Variants in ELAVL4 observed in about 807,000 individuals in gnomAD.
The protein encoded by ELAVL4 is ELAV like RNA binding protein 4.
ELAVL4 carries 1 observed loss-of-function variant against 35.6 expected under a neutral mutation model. The ratio of observed to expected loss-of-function variants is 0.03; its 90% CI spans 0.01 to 0.13. The LOEUF (loss-of-function observed/expected upper bound fraction) is 0.13, where lower values mean the gene tolerates loss of function less well. Among genes scored for constraint, ELAVL4 ranks in the 10% least tolerant of loss-of-function variants. The probability of loss-of-function intolerance (pLI) is 1.00; values close to 1 mark genes in which losing one functional copy is unlikely to be tolerated. For missense variants in ELAVL4, 267 were observed against 464.9 expected (o/e 0.57, Z 3.91); for synonymous variants, 156 against 171.0 (o/e 0.91, Z 0.69).
At chr1:50,076,849 CA>C (rs1305766688) in intron 1 of ELAVL4, among the ~76,000 whole-genome samples, 2 of 152,088 alleles carry the variant, frequency 1.3e-5, no homozygotes, top group Non-Finnish European at 2.9e-5. Context: ...AATTAAAGTA[CA>C]ATCAGCAGGA....
Position 50,163,877 on chromosome 1 carries a change from T to C in ELAVL4, c.251-13212T>C, listed in dbSNP as rs115155700. On this transcript the variant is annotated intron_variant, in intron 2 of 6. Coordinates refer to ENST00000371824, the MANE Select transcript of ELAVL4 (RefSeq NM_001144774.3). ...GCATGCTCTCTCAAAGTCTCAGGCA[T>C]ACTATGCTAATGTCAGGTATTTAGC... is the stretch of plus-strand genomic sequence containing the variant. Among the ~76,000 whole-genome samples the C allele has an allele frequency of 3.3e-3, 504 of 152,240 alleles. 2 individuals are homozygous for C. The highest frequency in any genetic ancestry group is 0.012 in the African/African-American group (487 of 41,546).
chr1:50,196,837 G>A (rs927170739), intron 5 of ELAVL4, among the ~76,000 whole-genome samples: 3 of 152,202 alleles, frequency 2.0e-5, no homozygotes, highest in African/African-American at 4.8e-5. Context: ...CCCAAGTAAG[G>A]TAGTGAATGT....
At chr1:50,101,048 G>T (rs1162396816), upstream of ELAVL4, among the ~76,000 whole-genome samples, 6 of 151,318 alleles carry the variant, frequency 4.0e-5, no homozygotes, top group African/African-American at 1.2e-4. Flanking sequence ...TTTTACAGAT[G>T]AGGAAATTGA....
At chr1:50,048,190 C>T in intron 1 of ELAVL4, 1 of 1,520,390 alleles carries the variant, frequency 6.6e-7, no homozygotes, top group Non-Finnish European at 8.8e-7. Flanking sequence ...CAGGTAGAAG[C>T]GCCTCGGCGC....
chr1:50,168,153 G>T (rs1405869306), intron 2 of ELAVL4, among the ~76,000 whole-genome samples: 1 of 152,078 alleles, frequency 6.6e-6, no homozygotes, highest in Admixed American at 6.6e-5. Flanking sequence ...CTTTAAACCA[G>T]GCCCTAGTTT....
At chr1:50,089,614 G>T (rs760681681) in intron 1 of ELAVL4, among the ~76,000 whole-genome samples, 3 of 152,096 alleles carry the variant, frequency 2.0e-5, no homozygotes, top group Non-Finnish European at 4.4e-5. Context: ...AATTAGCCAG[G>T]CATGGTGGCA....
intron 1 of ELAVL4, among the ~76,000 whole-genome samples, chr1:50,063,292 A>G (rs776513262): frequency 6.6e-6 from 1 of 152,108 alleles, no homozygotes; most frequent in Non-Finnish European, 1.5e-5. Context: ...TTTATTATTA[A>G]TGATATTTAT....
Position 50,091,255 on chromosome 1 carries a change from C to T in ELAVL4, c.18+43073C>T, listed in dbSNP as rs150489061. Among the ~76,000 whole-genome samples, 371 of 152,316 alleles carry T rather than the reference C, an allele frequency of 2.4e-3. 1 individual carries two copies. Among genetic ancestry groups the T allele is most frequent in the Non-Finnish European group, 3.0e-3 (204 of 68,028 alleles). On this transcript the variant is annotated intron_variant, in intron 1 of 6. Transcript: ENST00000448907. ...CACCTGGCTGCTCGCCACCTTCTGC[C>T]ATTGCAGATACGCTTACAGGAAACC...
intron 6 of ELAVL4, 123 bp downstream of exon 6, chr1:50,197,590 C>A: frequency 1.2e-6 from 1 of 843,614 alleles, no homozygotes; most frequent in Non-Finnish European, 1.7e-6. Flanking sequence ...CTTCCACCAG[C>A]ATGTCAAATT....
In ELAVL4 at chr1:50,157,566, A is replaced by G. The variant is rs374040623; in HGVS notation, c.250+12369A>G. Among the ~76,000 whole-genome samples the G allele has an allele frequency of 3.3e-5, 5 of 152,238 alleles. No homozygotes were observed. In the South Asian group the frequency reaches 6.2e-4, roughly 19 times the overall value. ...TATTAATGCTCAAGCTGATCAAATT[A>G]CAATGCCACAGATCCTACTTGTGCT... On this transcript the variant is annotated intron_variant, in intron 2 of 6. Transcript: ENST00000371824.
intron 2 of ELAVL4, among the ~76,000 whole-genome samples, chr1:50,172,264 T>A (rs556789982): frequency 4.6e-5 from 7 of 152,262 alleles, no homozygotes; most frequent in African/African-American, 1.7e-4. Flanking sequence ...AATAAGGGGT[T>A]ATAACCAGCT....
At chr1:50,128,264 T>A (rs1026696254) in intron 1 of ELAVL4, among the ~76,000 whole-genome samples, 1 of 152,092 alleles carries the variant, frequency 6.6e-6, no homozygotes, top group Non-Finnish European at 1.5e-5. Flanking sequence ...TGAAGGAAGT[T>A]GAGTGAGACA....
chr1:50,052,000 T>C (rs1267642625), intron 1 of ELAVL4, among the ~76,000 whole-genome samples: 1 of 152,136 alleles, frequency 6.6e-6, no homozygotes, highest in Non-Finnish European at 1.5e-5. Context: ...TCTTTAAGAA[T>C]ACCAGTCCTG....
chr1:50,134,433 T>C (rs1208307172), intron 1 of ELAVL4, among the ~76,000 whole-genome samples: 1 of 152,156 alleles, frequency 6.6e-6, no homozygotes, highest in African/African-American at 2.4e-5. Context: ...CTGGTTCCCA[T>C]CCCAACAAGT....
intron 5 of ELAVL4, 41 bp downstream of exon 5, chr1:50,195,827 T>C: frequency 6.2e-7 from 1 of 1,608,624 alleles, no homozygotes; most frequent in Non-Finnish European, 8.5e-7. Flanking sequence ...CTACAGGGGT[T>C]CATAGCTGGG....
At chr1:50,078,689 T>C (rs1224389669) in intron 1 of ELAVL4, among the ~76,000 whole-genome samples, 11 of 152,156 alleles carry the variant, frequency 7.2e-5, no homozygotes, top group Admixed American at 7.2e-4. Context: ...ATACGATCTC[T>C]CACTGATCTG....
At chr1:50,144,693 C>G (rs1437807718) in intron 1 of ELAVL4, 1 of 644,668 alleles carries the variant, frequency 1.6e-6, no homozygotes, top group Non-Finnish European at 2.9e-6. Flanking sequence ...CAGGAATTAG[C>G]TTTTCATTAA....
At chr1:50,123,131 G>A (rs1331058008) in intron 1 of ELAVL4, among the ~76,000 whole-genome samples, 1 of 152,030 alleles carries the variant, frequency 6.6e-6, no homozygotes, top group Non-Finnish European at 1.5e-5. Flanking sequence ...TCATATACAT[G>A]TCTCAATTGC....
At chr1:50,105,762 C>T (rs528333684), upstream of ELAVL4, 4 of 153,260 alleles carry the variant, frequency 2.6e-5, no homozygotes, top group Non-Finnish European at 4.4e-5. Flanking sequence ...AGCTCACTGA[C>T]TAGAGGTTTT....
Sources: allele counts gnomAD v4.1 joint callset (sites outside exome capture counted in the v4.1 genomes callset), GRCh38; gene constraint gnomAD v4.1.1; transcripts MANE v1.5; gene names NCBI Gene and HGNC (gene_info 2026-07-23, HGNC 2026-07-21).